INPP5F: variants seen among roughly 807,000 people sequenced by gnomAD.
INPP5F encodes inositol polyphosphate-5-phosphatase F, also known as phosphatidylinositide 4-phosphatase SAC2.
INPP5F carries 97 observed loss-of-function variants against 137.2 expected under a neutral mutation model. That is an observed-to-expected ratio of 0.71 (90% confidence interval 0.60 to 0.84). The LOEUF (loss-of-function observed/expected upper bound fraction) is 0.84. Among genes scored for constraint, INPP5F ranks in the 40% least tolerant of loss-of-function variants. The pLI is 0.00. For missense variants in INPP5F, 1,271 were observed against 1,371.9 expected (o/e 0.93, Z 1.16); for synonymous variants, 504 against 476.9 (o/e 1.06, Z -0.74).
rs1399095775 is a variant in INPP5F, at chr10:119,726,087, CG to C, written c.-172del. The C allele has an allele frequency of 2.7e-6, 1 of 376,196 alleles. No homozygotes were observed. Among genetic ancestry groups the C allele is most frequent in the Non-Finnish European group, 4.7e-6 (1 of 213,466 alleles). 23.3% of individuals were successfully genotyped at this position (376,196 alleles called of 1,614,324 possible). On this transcript the variant is annotated 5_prime_UTR_variant, in exon 1 of 20. Coordinates refer to ENST00000650623, the MANE Select transcript of INPP5F (RefSeq NM_014937.4). ...CGGCCGCCGCTGCCGCCGCCGCTGC[CG>C]GGGCGCGTTCTCCTCCTACCGGTCG...
chr10:119,803,077 A>T (rs1850648270), intron 9 of INPP5F, among the ~76,000 whole-genome samples: 2 of 148,832 alleles, frequency 1.3e-5, no homozygotes, highest in African/African-American at 5.0e-5. Context: ...TGGATTTAGG[A>T]CTCTTTATGC....
At position 119,748,730 on chromosome 10, in the gene INPP5F, C is replaced by T. The variant is rs1848610043; in HGVS notation, c.98-2346C>T. On this transcript the variant is annotated intron_variant, in intron 1 of 19. Coordinates refer to ENST00000650623, the MANE Select transcript of INPP5F (RefSeq NM_014937.4). The surrounding 1 kb of genome is among the most constrained non-coding windows in gnomAD (Gnocchi z 4.7). ...ATGGAGGAAGTGTGTGCTGATTGGT[C>T]CATGGGAGGCCACGGACGGCCTGGA... 6.6e-6 allele frequency among the ~76,000 whole-genome samples: 1 copy of T among 152,112 alleles called. No homozygotes were observed. Among genetic ancestry groups the T allele is most frequent in the Non-Finnish European group, 1.5e-5 (1 of 68,030 alleles).
chr10:119,804,277 G>A lies in INPP5F; in HGVS notation c.1221G>A (p.Ser407=), dbSNP rs139191937. 3.7e-6 allele frequency: 6 copies of A among 1,611,528 alleles called. No individual in the cohort carries two copies. The highest frequency in any genetic ancestry group is 1.6e-4 in the Middle Eastern group (1 of 6,062). The change falls in exon 10 of 20, where the codon TCG becomes TCA. Residue 407 remains serine, a synonymous_variant. Transcript: ENST00000650623. ...LFNNSHLTYV[S]FDFHEHCRGM... ...ACAACTCACACCTCACTTACGTTTCGTTTGACTTCCATGAGCACTGGTAAG... is the reference window on the plus strand; with the variant it reads ...ACAACTCACACCTCACTTACGTTTCATTTGACTTCCATGAGCACTGGTAAG...
At chr10:119,772,641 CT>C (rs1307081396) in intron 2 of INPP5F, among the ~76,000 whole-genome samples, 2 of 152,056 alleles carry the variant, frequency 1.3e-5, no homozygotes, top group African/African-American at 4.8e-5. Context: ...TTTTGTTTTG[CT>C]TTTATTTTTA....
At chr10:119,794,157 A>G (rs1289624437) in intron 6 of INPP5F, among the ~76,000 whole-genome samples, 17 of 151,802 alleles carry the variant, frequency 1.1e-4, no homozygotes, top group Non-Finnish European at 1.2e-4. Flanking sequence ...TAGGCAGAGG[A>G]CCCTGCGGCC....
At chr10:119,806,615 C>A in intron 12 of INPP5F, 135 bp downstream of exon 12, 2 of 765,258 alleles carry the variant, frequency 2.6e-6, no homozygotes, top group Non-Finnish European at 3.8e-6. Context: ...ACCCTTGTTG[C>A]ATTAAAATCT....
intron 11 of INPP5F, among the ~76,000 whole-genome samples, chr10:119,805,663 C>G (rs758689010): frequency 5.3e-5 from 8 of 152,126 alleles, no homozygotes; most frequent in Non-Finnish European, 7.3e-5. Flanking sequence ...GTGAAATGGT[C>G]AGGCCAAATG....
At chr10:119,795,031 C>T (rs1230862837) in intron 6 of INPP5F, among the ~76,000 whole-genome samples, 4 of 129,750 alleles carry the variant, frequency 3.1e-5, no homozygotes, top group Non-Finnish European at 5.0e-5. Flanking sequence ...GGGGGGCTGA[C>T]CCCCCCACCT....
intron 1 of INPP5F, among the ~76,000 whole-genome samples, chr10:119,737,508 T>C (rs1259033424): frequency 6.6e-6 from 1 of 152,206 alleles, no homozygotes; most frequent in African/African-American, 2.4e-5. Flanking sequence ...ATTAGTATTA[T>C]AAAGCTCCTA....
chr10:119,765,484 G>C (rs1368323253), intron 2 of INPP5F, among the ~76,000 whole-genome samples: 1 of 151,754 alleles, frequency 6.6e-6, no homozygotes, highest in Non-Finnish European at 1.5e-5. Context: ...CGACTCTCAT[G>C]CTTCAGCCTC....
At chr10:119,825,834 A>C in intron 19 of INPP5F, 1 of 396,472 alleles carries the variant, frequency 2.5e-6, no homozygotes, top group Admixed American at 4.4e-5. Context: ...GAATTACTTT[A>C]ACCCATAATT....
At chr10:119,792,420 C>G (rs567814670) in intron 6 of INPP5F, among the ~76,000 whole-genome samples, 1 of 152,174 alleles carries the variant, frequency 6.6e-6, no homozygotes, top group Admixed American at 6.5e-5. Flanking sequence ...TTCACTGCCT[C>G]GTCACAGGCC....
chr10:119,819,691 G>T, intron 15 of INPP5F: 1 of 452,056 alleles, frequency 2.2e-6, no homozygotes. Flanking sequence ...CCCGGTCTTG[G>T]CATCTCATTA....
chr10:119,794,739 G>T (rs1390605028), intron 6 of INPP5F, among the ~76,000 whole-genome samples: 5 of 66,502 alleles, frequency 7.5e-5, no homozygotes, highest in Non-Finnish European at 1.4e-4. Flanking sequence ...CTGGCCAGGT[G>T]GGGGGGCTGA....
chr10:119,788,156 C>G (rs914298006), intron 3 of INPP5F, among the ~76,000 whole-genome samples: 1 of 152,022 alleles, frequency 6.6e-6, no homozygotes, highest in Non-Finnish European at 1.5e-5. Flanking sequence ...ATAGGGCATA[C>G]CAGAGAAGGA....
chr10:119,816,280 T>C (rs566430684), intron 15 of INPP5F: 14 of 152,302 alleles, frequency 9.2e-5, no homozygotes, highest in Admixed American at 2.6e-4. Context: ...GAGGTGATGC[T>C]TTTTCAAATA....
chr10:119,756,191 A>C (rs184634210), intron 2 of INPP5F, among the ~76,000 whole-genome samples: 1 of 151,936 alleles, frequency 6.6e-6, no homozygotes, highest in Non-Finnish European at 1.5e-5. Context: ...AATTCAATAT[A>C]TGCTGATTAC....
At chr10:119,819,444 G>A (rs1851457097) in intron 15 of INPP5F, 1 of 1,548,940 alleles carries the variant, frequency 6.5e-7, no homozygotes, top group Non-Finnish European at 8.7e-7. Flanking sequence ...TAGGATGAAA[G>A]TAACACTGTA....
At chr10:119,735,910 A>G (rs370880048) in intron 1 of INPP5F, among the ~76,000 whole-genome samples, 1 of 152,214 alleles carries the variant, frequency 6.6e-6, no homozygotes, top group South Asian at 2.1e-4. Flanking sequence ...TGGGCAGATC[A>G]CCTGAGGTCA....
Sources: allele counts gnomAD v4.1 joint callset (sites outside exome capture counted in the v4.1 genomes callset), GRCh38; gene constraint gnomAD v4.1.1; non-coding constraint Gnocchi (gnomAD v3.1); transcripts MANE v1.5; gene names NCBI Gene and HGNC (gene_info 2026-07-23, HGNC 2026-07-21).